Variants in NAV2 observed in about 807,000 individuals in gnomAD.
The protein encoded by NAV2 is neuron navigator 2, also known as helicase, APC down-regulated 1.
Under a neutral mutation model 223.2 loss-of-function variants are expected in NAV2, and 54 were observed. That is an observed-to-expected ratio of 0.24 (90% CI 0.19 to 0.30). NAV2 has a LOEUF of 0.30. Ranked by LOEUF, NAV2 falls within the 10% of genes least tolerant of loss-of-function variation. The pLI, the probability that NAV2 is intolerant of heterozygous loss-of-function variation, is 1.00. For synonymous variants in NAV2, 1,279 were observed against 1,239.3 expected, an observed-to-expected ratio of 1.03 and a Z score of -0.67; for missense variants, 2,806 against 3,147.5, an observed-to-expected ratio of 0.89 and a Z score of 2.60.
chr11:19,456,695 G>A (rs1226450768), intron 1 of NAV2, among the ~76,000 whole-genome samples: 1 of 152,204 alleles, frequency 6.6e-6, no homozygotes, highest in Non-Finnish European at 1.5e-5. Flanking sequence ...TAAATAACAT[G>A]TCTGACCTCC....
intron 1 of NAV2, among the ~76,000 whole-genome samples, chr11:19,597,011 A>G (rs2046223450): frequency 6.6e-6 from 1 of 152,202 alleles, no homozygotes; most frequent in Non-Finnish European, 1.5e-5. Flanking sequence ...TGACTCCACC[A>G]ACTGCCTCCC....
intron 1 of NAV2, among the ~76,000 whole-genome samples, chr11:19,498,571 C>A (rs983238494): frequency 3.9e-5 from 6 of 152,208 alleles, no homozygotes; most frequent in Non-Finnish European, 7.4e-5. Context: ...CTTGTAACTT[C>A]ATTTTTTAAA....
At chr11:19,448,651 A>G (rs1254950028) in intron 1 of NAV2, among the ~76,000 whole-genome samples, 3 of 152,230 alleles carry the variant, frequency 2.0e-5, no homozygotes, top group African/African-American at 7.2e-5. Flanking sequence ...TAAGTTCCCT[A>G]ACCTCTCTGA....
intron 25 of NAV2, 29 bp downstream of exon 25, chr11:20,080,238 T>C: frequency 6.2e-7 from 1 of 1,605,132 alleles, no homozygotes; most frequent in Non-Finnish European, 8.5e-7. Flanking sequence ...TCCTGGGGAC[T>C]GACGGACAGA....
intron 1 of NAV2, among the ~76,000 whole-genome samples, chr11:19,430,627 C>T (rs1851006187): frequency 6.6e-6 from 1 of 152,240 alleles, no homozygotes; most frequent in Non-Finnish European, 1.5e-5. Flanking sequence ...TTCTCAAGAA[C>T]TTTCTCACTT....
intron 1 of NAV2, among the ~76,000 whole-genome samples, chr11:19,702,799 ATAATAG>A (rs146722108): frequency 0.53 from 60,710 of 115,338 alleles, 14,965 homozygotes; most frequent in Middle Eastern, 0.66. Flanking sequence ...AATAATAATA[ATAATAG>A]TAATAATAAT....
At chr11:20,042,541 T>C (rs1325349999) in intron 12 of NAV2, among the ~76,000 whole-genome samples, 1 of 152,006 alleles carries the variant, frequency 6.6e-6, no homozygotes, top group Non-Finnish European at 1.5e-5. Flanking sequence ...GTGTCTGTAA[T>C]GGATGAGTGG....
At chr11:20,036,509 G>A (rs1282553695) in intron 12 of NAV2, among the ~76,000 whole-genome samples, 2 of 152,182 alleles carry the variant, frequency 1.3e-5, no homozygotes, top group Non-Finnish European at 2.9e-5. Flanking sequence ...AGGAGGATGG[G>A]GTGGAAATAA....
rs1429218053 is a variant in NAV2, at chr11:20,114,751, A to G, written c.7120A>G (p.Thr2374Ala). The G allele has an allele frequency of 3.1e-6, 5 of 1,614,008 alleles. No individual in the cohort carries two copies. Among genetic ancestry groups the G allele is most frequent in the Non-Finnish European group, 4.2e-6 (5 of 1,179,996 alleles). ...CTACTCCATGCCTCGGGAGGGATCG[A>G]CAAGCAAGCAGATGCCCCCCAGTGA... is the stretch of plus-strand genomic sequence containing the variant. ...DGYSMPREGS[T>A]SKQMPPSDAE... The change falls in exon 37 of 38, where the codon ACA (threonine) becomes GCA (alanine). Residue 2374 changes from threonine (T) to alanine (A), a missense_variant. This residue lies in a region of NAV2 where 824 missense variants were observed against 1,069.4 expected (regional missense o/e 0.77). Transcript: ENST00000349880.
chr11:19,909,724 C>G (rs1259169904), intron 6 of NAV2, among the ~76,000 whole-genome samples: 12 of 152,126 alleles, frequency 7.9e-5, no homozygotes, highest in Admixed American at 7.9e-4. Context: ...CTCGGCTGCT[C>G]TTTTTGAAAT....
intron 1 of NAV2, among the ~76,000 whole-genome samples, chr11:19,438,709 G>T (rs1358555368): frequency 6.6e-6 from 1 of 152,090 alleles, no homozygotes; most frequent in Non-Finnish European, 1.5e-5. Context: ...TACATTGACT[G>T]GTTTATTATA....
rs1354213773 is a variant in NAV2, at chr11:20,049,177, A to G, written c.4352A>G (p.Lys1451Arg). The change falls in exon 15 of 38, where the codon AAG becomes AGG. Residue 1451 changes from lysine to arginine, a missense_variant. By Grantham distance (26) the Lys-to-Arg change is conservative. Transcript: ENST00000349880. ...CCCTTTGTCAGAACTAACAGTGTGA[A>G]GACCACACTGTCAGAAAGGTTGGTG... ...LTPFVRTNSVKTTLSESPLSS... is the reference protein window; with the variant it reads ...LTPFVRTNSVRTTLSESPLSS... 6.3e-6 allele frequency: 10 copies of G among 1,599,496 alleles called. No individual in the cohort carries two copies. Among genetic ancestry groups the G allele is most frequent in the Non-Finnish European group, 8.5e-6 (10 of 1,171,558 alleles).
intron 10 of NAV2, among the ~76,000 whole-genome samples, chr11:19,950,396 G>A (rs2047285825): frequency 6.6e-6 from 1 of 152,236 alleles, no homozygotes; most frequent in South Asian, 2.1e-4. Flanking sequence ...GGAAGGTGAA[G>A]TCCAGGAAGG....
intron 1 of NAV2, among the ~76,000 whole-genome samples, chr11:19,378,809 T>C (rs2729889): frequency 0.96 from 145,972 of 152,198 alleles, 70,293 homozygotes; most frequent in East Asian, 1. Flanking sequence ...GAGGATCCGT[T>C]GGGTCCACAA....
chr11:19,909,559 G>A (rs1043268588), intron 6 of NAV2, among the ~76,000 whole-genome samples: 1 of 152,186 alleles, frequency 6.6e-6, no homozygotes, highest in African/African-American at 2.4e-5. Flanking sequence ...CAAAGACCCT[G>A]GCTGGGGAAG....
chr11:19,550,456 C>T (rs550750283), intron 1 of NAV2, among the ~76,000 whole-genome samples: 14 of 152,298 alleles, frequency 9.2e-5, no homozygotes, highest in African/African-American at 3.4e-4. Flanking sequence ...ATTTCCATTT[C>T]GTAGATGAGG....
At chr11:19,909,417 G>A (rs1426228588) in intron 6 of NAV2, among the ~76,000 whole-genome samples, 1 of 152,188 alleles carries the variant, frequency 6.6e-6, no homozygotes, top group African/African-American at 2.4e-5. Flanking sequence ...GGCCTTTGGT[G>A]CTGGCCTAGG....
intron 1 of NAV2, among the ~76,000 whole-genome samples, chr11:19,415,051 C>CA (rs890830492): frequency 6.6e-6 from 1 of 151,816 alleles, no homozygotes; most frequent in Non-Finnish European, 1.5e-5. Context: ...GAAACAAGAG[C>CA]AAAAAAATTC....
chr11:19,372,812 T>C (rs1273661508), intron 1 of NAV2, among the ~76,000 whole-genome samples: 1 of 152,246 alleles, frequency 6.6e-6, no homozygotes, highest in Admixed American at 6.5e-5. Flanking sequence ...GCTCTAATTA[T>C]CTCACAGCAT....
Sources: gnomAD v4.1 joint callset for allele counts (sites outside exome capture counted in the v4.1 genomes callset) on GRCh38, gnomAD v4.1.1 for gene constraint, gnomAD v4.1.1 regional missense constraint, MANE v1.5 for transcripts, NCBI Gene and HGNC (gene_info 2026-07-23, HGNC 2026-07-21) for gene names.